Variants in ACY3 observed in about 807,000 individuals in gnomAD.
The protein encoded by ACY3 is aminoacylase 3.
In ACY3, 20 loss-of-function variants were observed where a neutral mutation model predicts 24.6. The ratio of observed to expected loss-of-function variants is 0.81; its 90% CI spans 0.57 to 1.18. The LOEUF is 1.18. ACY3 is among the 50% of genes most tolerant of loss of function. ACY3 has a pLI of 0.00. For missense variants in ACY3, 423 were observed against 426.8 expected (o/e 0.99, Z 0.08); for synonymous variants, 174 against 188.4 (o/e 0.92, Z 0.62).
intron 4 of ACY3, 106 bp from the exon 5 acceptor site, chr11:67,645,486 A>T: frequency 7.5e-7 from 1 of 1,332,058 alleles, no homozygotes; most frequent in Non-Finnish European, 1.0e-6. Context: ...CTCCTTGGCC[A>T]GGTCTCCCTC....
chr11:67,644,918 G>T, intron 6 of ACY3, 49 bp from the exon 7 acceptor site: 1 of 1,591,632 alleles, frequency 6.3e-7, no homozygotes, highest in East Asian at 2.2e-5. Context: ...CCAGGCTAGG[G>T]GACAGACTGG....
intron 4 of ACY3, 38 bp from the exon 5 acceptor site, chr11:67,645,418 C>G (rs777284177): frequency 3.8e-6 from 6 of 1,596,538 alleles, no homozygotes; most frequent in Non-Finnish European, 5.1e-6. Context: ...CCCAGGCCTA[C>G]TTGGGAAGGG....
rs778074987 is a variant in ACY3 at position 67,646,924 on chromosome 11, C to G, written c.120G>C (p.Glu40Asp). Residue 40 changes from glutamate to aspartate, a missense_variant, in exon 3 of 8, where the codon GAG becomes GAC. Transcript: ENST00000255082. Reference protein sequence around the residue: ...LARHWLHAPAELQRASFSAVP... With the variant: ...LARHWLHAPADLQRASFSAVP... Reference sequence around the variant, plus strand: ...CAGCGGAGAAGCTGGCTCTCTGCAGCTCTGCGGGGGCATGCAGCCAGTGCC... The same window carrying G: ...CAGCGGAGAAGCTGGCTCTCTGCAGGTCTGCGGGGGCATGCAGCCAGTGCC... 4.4e-6 allele frequency: 7 copies of G among 1,608,640 alleles called. No individual in the cohort carries two copies. The East Asian group carries it at 1.3e-4, about 31-fold the overall frequency.
chr11:67,643,421 T>C (rs989920503), intron 7 of ACY3, among the ~76,000 whole-genome samples: 5 of 152,234 alleles, frequency 3.3e-5, no homozygotes, highest in Admixed American at 6.5e-5. Context: ...GGCTCACGCC[T>C]GTAATCCCAG....
At chr11:67,643,406 G>A (rs548584340) in intron 7 of ACY3, among the ~76,000 whole-genome samples, 29 of 152,320 alleles carry the variant, frequency 1.9e-4, no homozygotes, top group South Asian at 8.3e-4. Context: ...TTGGCTGGGC[G>A]CAGTGGCTCA....
chr11:67,644,764 A>C lies in ACY3; in HGVS notation c.740T>G (p.Leu247Arg), dbSNP rs1449856880. The C allele has an allele frequency of 1.4e-5, 21 of 1,541,668 alleles. No individual in the cohort carries two copies. In the East Asian group the frequency reaches 5.1e-4, roughly 38 times the overall value. ...GHLAGTVHPQ[L>R]QDRDFQPLQP... is the part of the protein sequence containing the mutation. The stretch of plus-strand genomic sequence containing the variant: ...CACACACACACACACACACACCTGC[A>C]GCTGAGGATGCACAGTGCCTGCCAG... The change falls in exon 7 of 8, where the codon CTG becomes CGG. Residue 247 changes from leucine to arginine, a missense_variant. By Grantham distance (102) the Leu-to-Arg change is moderately radical (BLOSUM62 -2). Transcript: ENST00000255082.
intron 7 of ACY3, 92 bp from the exon 8 acceptor site, chr11:67,643,031 C>T: frequency 1.7e-6 from 2 of 1,155,392 alleles, no homozygotes; most frequent in Non-Finnish European, 2.5e-6. Context: ...AAAAGATGCC[C>T]CTCATTCATG....
In ACY3 at chr11:67,644,765, G is replaced by C. The variant is rs1170209073; in HGVS notation, c.739C>G (p.Leu247Val). 1.3e-6 allele frequency: 2 copies of C among 1,548,368 alleles called. No individual in the cohort carries two copies. Among genetic ancestry groups the C allele is most frequent in the South Asian group, 2.4e-5 (2 of 84,220 alleles). ...GHLAGTVHPQ[L>V]QDRDFQPLQP... ...ACACACACACACACACACACCTGCA[G>C]CTGAGGATGCACAGTGCCTGCCAGG... The change falls in exon 7 of 8, where the codon CTG (leucine) becomes GTG (valine). Residue 247 changes from leucine to valine, a missense_variant. Coordinates refer to ENST00000255082, the MANE Select transcript of ACY3 (RefSeq NM_080658.2).
chr11:67,649,631 A>G (rs1591134099), intron 1 of ACY3, among the ~76,000 whole-genome samples: 1 of 143,422 alleles, frequency 7.0e-6, no homozygotes, highest in African/African-American at 2.8e-5. Flanking sequence ...TGTACGTGAC[A>G]GCATGCGTGT....
chr11:67,644,678 G>T, intron 7 of ACY3, 82 bp downstream of exon 7: 1 of 1,367,224 alleles, frequency 7.3e-7, no homozygotes, highest in Non-Finnish European at 1.0e-6. Flanking sequence ...CTGGGGCTCA[G>T]TTTTCCTTGA....
chr11:67,645,454 G>A, intron 4 of ACY3, 74 bp from the exon 5 acceptor site: 3 of 1,484,792 alleles, frequency 2.0e-6, no homozygotes, highest in Non-Finnish European at 2.8e-6. Context: ...GGTGTTGCAT[G>A]GAGGAAACAC....
rs1253600572 is a variant in ACY3 at position 67,646,948 on chromosome 11, C to T, written c.96G>A (p.Arg32=). The T allele has an allele frequency of 6.9e-6, 11 of 1,596,846 alleles. No homozygotes were observed. The East Asian group carries it at 2.0e-4, about 30-fold the overall frequency. ...GNEMSGVYLA[R]HWLHAPAELQ... ...GCTCTGCGGGGGCATGCAGCCAGTG[C>T]CGGGCCAGGTAGACGCCCGACATCT... Residue 32 remains arginine (R), a synonymous_variant, in exon 3 of 8, where the codon CGG becomes CGA. Coordinates refer to ENST00000255082, the MANE Select transcript of ACY3 (RefSeq NM_080658.2).
Position 67,646,844 on chromosome 11 carries a change from T to C in ACY3, c.200A>G (p.His67Arg). The change falls in exon 3 of 8, where the codon CAT becomes CGT. Residue 67 changes from histidine to arginine, a missense_variant. His to Arg is a conservative substitution (Grantham distance 29, BLOSUM62 0). Coordinates refer to ENST00000255082, the MANE Select transcript of ACY3 (RefSeq NM_080658.2). The stretch of plus-strand genomic sequence containing the variant: ...GCTGGTGAAGGTGCGGTTGAGGTCA[T>C]GGTCCACGTAGCGGCGGCAGCCGGA... The part of the protein sequence containing the change: ...ATSGCRRYVD[H>R]DLNRTFTSSF... 1 of 1,613,082 alleles carries C rather than the reference T, an allele frequency of 6.2e-7. No homozygotes were observed. The highest frequency in any genetic ancestry group is 1.3e-5 in the African/African-American group (1 of 75,066).
Position 67,645,727 on chromosome 11 carries a change from C to A in ACY3, c.397G>T (p.Glu133Ter). ...CGGCACAGGTGCATGGCAAAGACTT[C>A]GTGGGAGGACTTCGCGATTAAGCAG... ...GTCLIAKSSH[E>*]VFAMHLCRHL... Residue 133 changes from glutamate to a stop codon, truncating the protein, a stop_gained, in exon 4 of 8, where the codon GAA becomes TAA. Transcript: ENST00000255082. LOFTEE classifies it high-confidence loss of function. The A allele has an allele frequency of 6.2e-7, 1 of 1,612,202 alleles. No homozygotes were observed. The highest frequency in any genetic ancestry group is 8.5e-7 in the Non-Finnish European group (1 of 1,179,364).
At position 67,642,743 on chromosome 11, in the gene ACY3, G is replaced by A; in HGVS notation, c.941C>T (p.Ala314Val). The A allele has an allele frequency of 1.9e-6, 3 of 1,614,144 alleles. No homozygotes were observed. Among genetic ancestry groups the A allele is most frequent in the East Asian group, 2.2e-5 (1 of 44,886 alleles). The change falls in exon 8 of 8, where the codon GCC becomes GTC. Residue 314 changes from alanine (A) to valine (V), a missense_variant. Coordinates refer to ENST00000255082, the MANE Select transcript of ACY3 (RefSeq NM_080658.2). ...TVPAMPALTP[A>V]PSPAS ...CTTGGGTTAGGAAGCTGGGCTCGGG[G>A]CAGGGGTCAGCGCGGGCATGGCAGG...
Position 67,642,692 on chromosome 11 carries a change from G to A in ACY3, c.*32C>T. The A allele has an allele frequency of 6.2e-7, 1 of 1,607,938 alleles. No homozygotes were observed. The highest frequency in any genetic ancestry group is 8.5e-7 in the Non-Finnish European group (1 of 1,174,524). The stretch of plus-strand genomic sequence containing the variant: ...TGCCTCAGGACCCATCGTTCAGATG[G>A]GAAGACTGAGGTTGGGGAGGTGTGT... On this transcript the variant is annotated 3_prime_UTR_variant, in exon 8 of 8. Transcript: ENST00000255082.
At chr11:67,647,910 G>A (rs1412693581) in intron 1 of ACY3, among the ~76,000 whole-genome samples, 1 of 152,166 alleles carries the variant, frequency 6.6e-6, no homozygotes, top group African/African-American at 2.4e-5. Flanking sequence ...AGTTACTATA[G>A]AGGTGTCACC....
rs145934175 is a variant in ACY3, at chr11:67,646,880, G to A, written c.164C>T (p.Pro55Leu). 5.0e-6 allele frequency: 8 copies of A among 1,612,396 alleles called. No individual in the cohort carries two copies. In the African/African-American group the frequency reaches 6.7e-5, roughly 13 times the overall value. Reference protein sequence around the residue: ...SFSAVPVLANPAATSGCRRYV... With the variant: ...SFSAVPVLANLAATSGCRRYV... Reference sequence around the variant, plus strand: ...GCGGCGGCAGCCGGATGTGGCTGCCGGGTTGGCCAGCACAGGCACAGCGGA... The same window carrying A: ...GCGGCGGCAGCCGGATGTGGCTGCCAGGTTGGCCAGCACAGGCACAGCGGA... Residue 55 changes from proline to leucine, a missense_variant, in exon 3 of 8, where the codon CCG becomes CTG. By Grantham distance (98) the Pro-to-Leu change is moderately conservative. Transcript: ENST00000255082.
chr11:67,646,897 C>A lies in ACY3; in HGVS notation c.147G>T (p.Val49=), dbSNP rs920295276. The part of the protein sequence containing the change: ...AELQRASFSA[V]PVLANPAATS... Reference sequence around the variant, plus strand: ...TGGCTGCCGGGTTGGCCAGCACAGGCACAGCGGAGAAGCTGGCTCTCTGCA... The same window carrying A: ...TGGCTGCCGGGTTGGCCAGCACAGGAACAGCGGAGAAGCTGGCTCTCTGCA... Residue 49 remains valine (V), a synonymous_variant, in exon 3 of 8, where the codon GTG becomes GTT. Transcript: ENST00000255082. 2.5e-6 allele frequency: 4 copies of A among 1,612,092 alleles called. No individual in the cohort carries two copies. Among genetic ancestry groups the A allele is most frequent in the Non-Finnish European group, 3.4e-6 (4 of 1,179,608 alleles).
Sources: gnomAD v4.1 joint callset for allele counts (sites outside exome capture counted in the v4.1 genomes callset) on GRCh38, gnomAD v4.1.1 for gene constraint, MANE v1.5 for transcripts, NCBI Gene and HGNC (gene_info 2026-07-23, HGNC 2026-07-21) for gene names.